RANBP2: variants seen among roughly 807,000 people sequenced by gnomAD.
RANBP2 encodes E3 SUMO-protein ligase RanBP2.
In RANBP2, 57 loss-of-function variants were observed where a neutral mutation model predicts 303.6. The ratio of observed to expected loss-of-function variants is 0.19; its 90% confidence interval spans 0.15 to 0.23. The LOEUF is 0.23. RANBP2 is among the 10% of genes least tolerant of loss of function. The pLI, the probability that RANBP2 is intolerant of heterozygous loss-of-function variation, is 1.00. For synonymous variants in RANBP2, 1,167 were observed against 1,301.5 expected, an observed-to-expected ratio of 0.90 and a Z score of 2.23; for missense variants, 3,138 against 3,780.8, an observed-to-expected ratio of 0.83 and a Z score of 4.46.
the RANBP2 span, among the ~76,000 whole-genome samples, chr2:109,305,244 C>A: frequency 2.0e-5 from 3 of 152,266 alleles, no homozygotes; most frequent in South Asian, 6.2e-4. Context: ...CTGACGGTTT[C>A]CCCCTGGGAA....
chr2:109,554,208 G>C, the RANBP2 span, among the ~76,000 whole-genome samples: 1 of 152,114 alleles, frequency 6.6e-6, no homozygotes, highest in African/African-American at 2.4e-5. Context: ...GGTGAAATCA[G>C]GGAATAGATG....
chr2:109,693,706 T>C, the RANBP2 span, among the ~76,000 whole-genome samples: 1 of 152,260 alleles, frequency 6.6e-6, no homozygotes, highest in African/African-American at 2.4e-5. Flanking sequence ...AAATTACCCA[T>C]GTCAGGTATG....
chr2:109,102,520 T>C, the RANBP2 span, among the ~76,000 whole-genome samples: 1 of 152,216 alleles, frequency 6.6e-6, no homozygotes, highest in Non-Finnish European at 1.5e-5. Flanking sequence ...AAGTTCTCTT[T>C]AACCTTTAAT....
chr2:109,379,929 C>G, the RANBP2 span, among the ~76,000 whole-genome samples: 2 of 152,182 alleles, frequency 1.3e-5, no homozygotes, highest in Non-Finnish European at 2.9e-5. Context: ...ATTCTTAGAC[C>G]TATCAGGGAG....
At chr2:109,258,540 G>A in the RANBP2 span, among the ~76,000 whole-genome samples, 34 of 152,138 alleles carry the variant, frequency 2.2e-4, no homozygotes, top group African/African-American at 7.2e-4. Flanking sequence ...CAATGTATGG[G>A]TGGTGCCACC....
At chr2:108,842,206 T>G in the RANBP2 span, among the ~76,000 whole-genome samples, 4 of 151,708 alleles carry the variant, frequency 2.6e-5, no homozygotes, top group African/African-American at 9.7e-5. Context: ...TAAAAAGTTT[T>G]TTTTTTTTTT....
the RANBP2 span, among the ~76,000 whole-genome samples, chr2:109,566,939 T>C: frequency 6.6e-6 from 1 of 152,312 alleles, no homozygotes; most frequent in African/African-American, 2.4e-5. Flanking sequence ...AATATTCTAG[T>C]TGAGCACAAG....
the RANBP2 span, among the ~76,000 whole-genome samples, chr2:109,177,884 A>G: frequency 4.5e-4 from 69 of 152,298 alleles, no homozygotes; most frequent in African/African-American, 1.6e-3. Context: ...TGTTTAATTC[A>G]CCTTTCTCCT....
the RANBP2 span, among the ~76,000 whole-genome samples, chr2:109,059,566 G>T: frequency 6.7e-6 from 1 of 149,402 alleles, no homozygotes; most frequent in Non-Finnish European, 1.5e-5. Flanking sequence ...ACAGAGCAAG[G>T]CTCCGTCTCA....
chr2:109,410,534 G>A, the RANBP2 span, among the ~76,000 whole-genome samples: 3 of 152,198 alleles, frequency 2.0e-5, no homozygotes, highest in African/African-American at 4.8e-5. Context: ...CCTGCCAGCC[G>A]ACCTTGCACT....
At chr2:109,609,426 T>C in the RANBP2 span, among the ~76,000 whole-genome samples, 2 of 151,654 alleles carry the variant, frequency 1.3e-5, no homozygotes, top group African/African-American at 2.4e-5. Context: ...AGGTTAACAA[T>C]ACAAAAACAT....
chr2:109,550,941 A>T, the RANBP2 span, among the ~76,000 whole-genome samples: 1 of 152,348 alleles, frequency 6.6e-6, no homozygotes, highest in Admixed American at 6.5e-5. Flanking sequence ...TTATTCCAAG[A>T]TATAGACAGA....
the RANBP2 span, chr2:109,574,789 T>G: frequency 6.6e-7 from 1 of 1,517,728 alleles, no homozygotes; most frequent in Non-Finnish European, 8.9e-7. Flanking sequence ...TTTAAATGTT[T>G]AATACAACAT....
the RANBP2 span, among the ~76,000 whole-genome samples, chr2:109,099,723 C>T: frequency 6.6e-6 from 1 of 152,100 alleles, no homozygotes; most frequent in East Asian, 1.9e-4. Context: ...CTCCTATATC[C>T]CTAGCGGAGC....
At chr2:109,501,756 C>T in the RANBP2 span, 2 of 667,774 alleles carry the variant, frequency 3.0e-6, no homozygotes, top group East Asian at 2.7e-5. Flanking sequence ...CCATGGCGCC[C>T]CAAGGGTTCC....
chr2:109,682,511 T>G, the RANBP2 span, among the ~76,000 whole-genome samples: 1 of 152,156 alleles, frequency 6.6e-6, no homozygotes, highest in South Asian at 2.1e-4. Flanking sequence ...TGGTATGGTA[T>G]TTTGAATTAA....
chr2:109,664,205 G>A, the RANBP2 span, among the ~76,000 whole-genome samples: 1 of 152,180 alleles, frequency 6.6e-6, no homozygotes, highest in Non-Finnish European at 1.5e-5. Context: ...CTCGATTTCC[G>A]TAAAGATGCA....
chr2:108,788,206 G>T (rs528163226), downstream of RANBP2: 163 of 1,012,316 alleles, frequency 1.6e-4, no homozygotes, highest in African/African-American at 2.1e-3. Context: ...ATCACCTGAG[G>T]TCAGGAGTTC....
the RANBP2 span, among the ~76,000 whole-genome samples, chr2:109,351,756 G>A: frequency 2.6e-5 from 4 of 152,208 alleles, no homozygotes; most frequent in African/African-American, 9.6e-5. Flanking sequence ...TACCAGGTGT[G>A]CCATGTGAAG....
Sources: allele counts gnomAD v4.1 joint callset (sites outside exome capture counted in the v4.1 genomes callset), GRCh38; gene constraint gnomAD v4.1.1; transcripts MANE v1.5; gene names NCBI Gene and HGNC (gene_info 2026-07-23, HGNC 2026-07-21).